Variants in MLYCD observed in about 807,000 individuals in gnomAD.
The protein encoded by MLYCD is malonyl-CoA decarboxylase, mitochondrial.
In MLYCD, 27 loss-of-function variants were observed where a neutral mutation model predicts 35.8. That is an observed-to-expected ratio of 0.75 (90% CI 0.56 to 1.04). MLYCD has a LOEUF of 1.04. MLYCD is among the 50% of genes least tolerant of loss of function. The pLI is 0.00. For missense variants in MLYCD, 917 were observed against 665.1 expected (o/e 1.38, Z -4.17); for synonymous variants, 403 against 302.4 (o/e 1.33, Z -3.45).
chr16:83,899,715 CCCT>C, intron 1 of MLYCD, 43 bp downstream of exon 1: 1 of 1,481,802 alleles, frequency 6.7e-7, no homozygotes, highest in East Asian at 2.7e-5. Flanking sequence ...GGACTGGCCG[CCCT>C]CCTCGAGTAG....
intron 1 of MLYCD, among the ~76,000 whole-genome samples, chr16:83,904,131 C>A (rs1454732624): frequency 6.6e-6 from 1 of 152,124 alleles, no homozygotes; most frequent in African/African-American, 2.4e-5. Context: ...ATCAGCCAAA[C>A]CATTTCTTTC....
rs1906691242 is a variant in MLYCD at position 83,899,353 on chromosome 16, A to G, written c.209A>G (p.Asp70Gly). The G allele has an allele frequency of 6.6e-7, 1 of 1,524,046 alleles. No individual in the cohort carries two copies. Among genetic ancestry groups the G allele is most frequent in the Non-Finnish European group, 8.7e-7 (1 of 1,144,506 alleles). 94.4% of individuals were successfully genotyped at this position (1,524,046 alleles called of 1,614,324 possible). The change falls in exon 1 of 5, where the codon GAC becomes GGC. Residue 70 changes from aspartate (D) to glycine (G), a missense_variant. Physicochemically the swap from Asp to Gly is moderately conservative, Grantham distance 94 (BLOSUM62 -1). Coordinates refer to ENST00000262430, the MANE Select transcript of MLYCD (RefSeq NM_012213.3). ...TPAPAEGQCA[D>G]FVSFYGGLAE... is the part of the protein sequence containing the mutation. ...GCGCCCGCCGAGGGTCAGTGCGCGG[A>G]CTTCGTGAGCTTCTACGGTGGGCTG... is the stretch of plus-strand genomic sequence containing the variant.
rs568548793 is a variant in MLYCD, at chr16:83,924,672, C to T, written c.*9183C>T. On this transcript the variant is annotated 3_prime_UTR_variant, in exon 5 of 5. Transcript: ENST00000262430. Reference sequence around the variant, plus strand: ...ACCAGAGAGCTGCCTTCAAAGATGCCAGAGCCATGTTTATTTAAGCGGCGC... The same window carrying T: ...ACCAGAGAGCTGCCTTCAAAGATGCTAGAGCCATGTTTATTTAAGCGGCGC... 1 of 152,292 alleles carries T rather than the reference C, an allele frequency of 6.6e-6. No individual in the cohort carries two copies. Among genetic ancestry groups the T allele is most frequent in the South Asian group, 2.1e-4 (1 of 4,826 alleles). 9.4% of individuals were successfully genotyped at this position (152,292 alleles called of 1,614,324 possible). A position where few individuals can be genotyped will look rare whatever the true frequency, so the allele number is the denominator to read the frequency against.
Position 83,908,217 on chromosome 16 carries a change from A to G in MLYCD, c.733A>G (p.Thr245Ala). Residue 245 changes from threonine (T) to alanine (A), a missense_variant, in exon 3 of 5, where the codon ACC becomes GCC. Physicochemically the swap from Thr to Ala is moderately conservative, Grantham distance 58. Transcript: ENST00000262430. ...GTGTTACTTCTTTTCTCACTGTTCG[A>G]CCCCTGGGGAGCCCCTGGTCGTTTT... ...RRCYFFSHCSTPGEPLVVLHV... is the reference protein window; with the variant it reads ...RRCYFFSHCSAPGEPLVVLHV... 6.2e-7 allele frequency: 1 copy of G among 1,613,910 alleles called. No individual in the cohort carries two copies.
intron 1 of MLYCD, among the ~76,000 whole-genome samples, chr16:83,902,555 G>T (rs1487816720): frequency 6.7e-6 from 1 of 148,400 alleles, no homozygotes; most frequent in Non-Finnish European, 1.5e-5. Flanking sequence ...GCCCAGGCTG[G>T]AGTGCAGCAG....
At chr16:83,914,797 A>G (rs1907311828) in intron 4 of MLYCD, 159 bp from the exon 5 acceptor site, 1 of 1,095,392 alleles carries the variant, frequency 9.1e-7, no homozygotes, top group Non-Finnish European at 1.3e-6. Context: ...AAAAAAGAAA[A>G]GCTGCTTGAA....
rs73245066 is a variant in MLYCD, at chr16:83,907,986, T to C, written c.642-140T>C. 1.2e-3 allele frequency: 1,311 copies of C among 1,090,510 alleles called. 6 individuals are homozygous for C. In the African/African-American group the frequency reaches 0.019, roughly 15 times the overall value. 67.6% of individuals were successfully genotyped at this position (1,090,510 alleles called of 1,614,324 possible). On this transcript the variant is annotated intron_variant, in intron 2 of 4. Transcript: ENST00000262430. The stretch of plus-strand genomic sequence containing the variant: ...GGTGCTGTTTCTCATGAAAATGACT[T>C]TCTTTGAATTTTCCAGAAGAGTCCA...
At chr16:83,900,370 G>C (rs1342569432) in intron 1 of MLYCD, among the ~76,000 whole-genome samples, 1 of 152,176 alleles carries the variant, frequency 6.6e-6, no homozygotes, top group South Asian at 2.1e-4. Flanking sequence ...AGAAGGCCTA[G>C]AGCAACATAT....
Position 83,899,582 on chromosome 16 carries a change from G to C in MLYCD, c.438G>C (p.Lys146Asn). 6.3e-7 allele frequency: 1 copy of C among 1,591,776 alleles called. No individual in the cohort carries two copies. Among genetic ancestry groups the C allele is most frequent in the South Asian group, 1.1e-5 (1 of 90,216 alleles). The part of the protein sequence containing the change: ...RYRGLFHHIS[K>N]LDGGVRFLVQ... ...GCGGCCTCTTCCACCACATCAGCAA[G>C]CTGGACGGCGGCGTGCGCTTCCTGG... Residue 146 changes from lysine (K) to asparagine (N), a missense_variant, in exon 1 of 5, where the codon AAG becomes AAC. By Grantham distance (94) the Lys-to-Asn change is moderately conservative. Coordinates refer to ENST00000262430, the MANE Select transcript of MLYCD (RefSeq NM_012213.3).
chr16:83,900,819 G>A (rs1298791508), intron 1 of MLYCD, among the ~76,000 whole-genome samples: 1 of 152,102 alleles, frequency 6.6e-6, no homozygotes, highest in Non-Finnish European at 1.5e-5. Context: ...GTCTTACGTG[G>A]GTGATAACAC....
chr16:83,904,851 C>T (rs1368757665), intron 1 of MLYCD, among the ~76,000 whole-genome samples: 1 of 152,204 alleles, frequency 6.6e-6, no homozygotes, highest in African/African-American at 2.4e-5. Context: ...TTCCTCTTTA[C>T]ACTAAATTGA....
At chr16:83,910,067 G>A (rs1338652939) in intron 3 of MLYCD, among the ~76,000 whole-genome samples, 2 of 152,164 alleles carry the variant, frequency 1.3e-5, no homozygotes, top group Admixed American at 1.3e-4. Context: ...ACGTGAGAAT[G>A]TGCGTGGGTA....
Position 83,912,606 on chromosome 16 carries a change from C to T in MLYCD, c.948+239C>T, listed in dbSNP as rs77609042. The T allele has an allele frequency of 9.4e-3, 5,298 of 561,444 alleles. 241 individuals carry two copies. Among genetic ancestry groups the T allele is most frequent in the African/African-American group, 0.091 (4,850 of 53,276 alleles). 34.8% of individuals were successfully genotyped at this position (561,444 alleles called of 1,614,324 possible). On this transcript the variant is annotated intron_variant, in intron 4 of 4. Transcript: ENST00000262430. ...CCCAGCTGCCCAGTTGACTGCAAGA[C>T]GCAGTTGTATTCTGAGGTCATCAAC...
chr16:83,925,612 C>G lies in MLYCD; in HGVS notation c.*10123C>G, dbSNP rs1907781854. On this transcript the variant is annotated 3_prime_UTR_variant, in exon 5 of 5. Coordinates refer to ENST00000262430, the MANE Select transcript of MLYCD (RefSeq NM_012213.3). ...TCCCCGTCACCCTCCCTGTCACACA[C>G]AGCCCCCTCCGTGGCCTCTCAAGCC... 1 of 152,540 alleles carries G rather than the reference C, an allele frequency of 6.6e-6. No homozygotes were observed. The highest frequency in any genetic ancestry group is 1.5e-5 in the Non-Finnish European group (1 of 68,244). The allele number at this position is 152,540 out of a possible 1,614,324, so 9.4% of individuals were successfully genotyped here.
At chr16:83,906,532 A>T (rs188750858) in intron 1 of MLYCD, among the ~76,000 whole-genome samples, 4 of 152,210 alleles carry the variant, frequency 2.6e-5, no homozygotes, top group African/African-American at 7.2e-5. Flanking sequence ...TGTCTTTCTT[A>T]GGAAATGTAG....
intron 3 of MLYCD, among the ~76,000 whole-genome samples, chr16:83,909,622 T>G (rs79816356): frequency 6.4e-5 from 7 of 109,670 alleles, no homozygotes; most frequent in South Asian, 2.3e-4. Flanking sequence ...GGTGTTGTGT[T>G]TTTTTTTTTT....
chr16:83,915,284 A>G lies in MLYCD; in HGVS notation c.1277A>G (p.Asn426Ser), dbSNP rs777032506. 3.1e-6 allele frequency: 5 copies of G among 1,612,706 alleles called. No individual in the cohort carries two copies. The highest frequency in any genetic ancestry group is 3.3e-5 in the Admixed American group (2 of 59,990). ...CCCGTGGCCAACTTCCACCTGCAGA[A>G]CGGGGCGGTGCTGTGGCGCATCAAC... The part of the protein sequence containing the change: ...LNPVANFHLQ[N>S]GAVLWRINWM... Residue 426 changes from asparagine (N) to serine (S), a missense_variant, in exon 5 of 5, where the codon AAC becomes AGC. Transcript: ENST00000262430.
In MLYCD at chr16:83,915,830, C is replaced by T; in HGVS notation, c.*341C>T. 5.7e-6 allele frequency: 7 copies of T among 1,231,276 alleles called. No homozygotes were observed. Among genetic ancestry groups the T allele is most frequent in the Non-Finnish European group, 7.2e-6 (7 of 972,524 alleles). The allele number at this position is 1,231,276 out of a possible 1,614,324, so 76.3% of individuals were successfully genotyped here. On this transcript the variant is annotated 3_prime_UTR_variant, in exon 5 of 5. Coordinates refer to ENST00000262430, the MANE Select transcript of MLYCD (RefSeq NM_012213.3). ...GAAGCTGTGCAGCCTCTGCCATTGC[C>T]ATCCCAGGGGGATCTGGCATCCTCC...
At position 83,908,007 on chromosome 16, in the gene MLYCD, G is replaced by C. The variant is rs964379194; in HGVS notation, c.642-119G>C. On this transcript the variant is annotated intron_variant, in intron 2 of 4. Transcript: ENST00000262430. The stretch of plus-strand genomic sequence containing the variant: ...GACTTTCTTTGAATTTTCCAGAAGA[G>C]TCCATTAAAGCTCTATTTAAAGAAC... 3.9e-6 allele frequency: 5 copies of C among 1,293,058 alleles called. No homozygotes were observed. In the Admixed American group the frequency reaches 1.0e-4, roughly 27 times the overall value. 80.1% of individuals were successfully genotyped at this position (1,293,058 alleles called of 1,614,324 possible). A position where few individuals can be genotyped will look rare whatever the true frequency, so the allele number is the denominator to read the frequency against.
Sources: allele counts gnomAD v4.1 joint callset (sites outside exome capture counted in the v4.1 genomes callset), GRCh38; gene constraint gnomAD v4.1.1; transcripts MANE v1.5; gene names NCBI Gene and HGNC (gene_info 2026-07-23, HGNC 2026-07-21).